Variants in LAMP1 observed in about 807,000 individuals in gnomAD.
The protein encoded by LAMP1 is lysosome-associated membrane glycoprotein 1.
A neutral mutation model predicts 37.5 loss-of-function variants in LAMP1; 7 were observed. That is an observed-to-expected ratio of 0.19 (90% CI 0.11 to 0.35). The LOEUF (loss-of-function observed/expected upper bound fraction) is 0.35. Ranked by LOEUF, LAMP1 falls within the 10% of genes least tolerant of loss-of-function variation. LAMP1 has a pLI of 1.00. For synonymous variants in LAMP1, 236 were observed against 229.1 expected (o/e 1.03, Z -0.27); for missense variants, 537 against 552.8 (o/e 0.97, Z 0.29).
intron 1 of LAMP1, among the ~76,000 whole-genome samples, chr13:113,301,240 C>T (rs1405910076): frequency 6.6e-6 from 1 of 151,880 alleles, no homozygotes; most frequent in Non-Finnish European, 1.5e-5. Context: ...TGCCTGTCAT[C>T]TCAGTGCTTT....
At chr13:113,317,693 C>G (rs2042673905) in intron 4 of LAMP1, among the ~76,000 whole-genome samples, 2 of 145,728 alleles carry the variant, frequency 1.4e-5, no homozygotes, top group Non-Finnish European at 3.0e-5. Context: ...AACCGTGAAG[C>G]TGCTTTTTTT....
chr13:113,303,316 A>G (rs999689789), intron 1 of LAMP1, among the ~76,000 whole-genome samples: 5 of 152,126 alleles, frequency 3.3e-5, no homozygotes, highest in Admixed American at 6.5e-5. Flanking sequence ...ATTTCTCCCA[A>G]GTGGGGGTAT....
intron 1 of LAMP1, 156 bp from the exon 2 acceptor site, chr13:113,306,329 C>T: frequency 1.3e-6 from 1 of 764,234 alleles, no homozygotes; most frequent in Non-Finnish European, 2.0e-6. Flanking sequence ...TGCACCCCAG[C>T]CTGGCGACAG....
At position 113,303,865 on chromosome 13, in the gene LAMP1, G is replaced by A. The variant is rs1211830648; in HGVS notation, c.62-2620G>A. Among the ~76,000 whole-genome samples, 9 of 152,182 alleles carry A rather than the reference G, an allele frequency of 5.9e-5. No homozygotes were observed. In the East Asian group the frequency reaches 1.4e-3, roughly 23 times the overall value. Reference sequence around the variant, plus strand: ...CTGAGGCAGGTGGATCACTTGAGGCGAGGAGTTGGAGACCAGCCTGGCCAA... The same window carrying A: ...CTGAGGCAGGTGGATCACTTGAGGCAAGGAGTTGGAGACCAGCCTGGCCAA... On this transcript the variant is annotated intron_variant, in intron 1 of 8. Coordinates refer to ENST00000332556, the MANE Select transcript of LAMP1 (RefSeq NM_005561.4).
intron 1 of LAMP1, among the ~76,000 whole-genome samples, chr13:113,298,534 A>G (rs1281200830): frequency 6.6e-6 from 1 of 152,130 alleles, no homozygotes; most frequent in African/African-American, 2.4e-5. Flanking sequence ...TCCTGTACAC[A>G]TCTGCCTTGA....
intron 4 of LAMP1, among the ~76,000 whole-genome samples, chr13:113,312,388 T>G (rs1437495833): frequency 6.6e-6 from 1 of 152,258 alleles, no homozygotes; most frequent in Non-Finnish European, 1.5e-5. Flanking sequence ...TATCTGTGGC[T>G]GCTTTTGTAT....
In LAMP1 at chr13:113,320,047, T is replaced by G. The variant is rs555152098; in HGVS notation, c.751-298T>G. ...CCCTAGTAGTGACAGGCTGTGGGGT[T>G]GTGGGGGTCGACTTGCGTGCCGTGG... On this transcript the variant is annotated intron_variant, in intron 5 of 8. Transcript: ENST00000332556. The surrounding 1 kb of genome is among the most constrained non-coding windows in gnomAD (Gnocchi z 4.4). 5.4e-4 allele frequency among the ~76,000 whole-genome samples: 82 copies of G among 152,306 alleles called. No homozygotes were observed. The highest frequency in any genetic ancestry group is 1.8e-3 in the African/African-American group (75 of 41,576).
intron 4 of LAMP1, among the ~76,000 whole-genome samples, chr13:113,314,942 T>C (rs1371926767): frequency 8.9e-5 from 10 of 111,892 alleles, no homozygotes; most frequent in South Asian, 6.7e-4. Context: ...CATGGCCTCC[T>C]GGAGGGAACC....
chr13:113,321,610 G>A lies in LAMP1; in HGVS notation c.997G>A (p.Gly333Ser), dbSNP rs1334325833. ...GSLRALQATV[G>S]NSYKCNAEEH... ...CCTGCGAGCGCTGCAGGCCACAGTC[G>A]GCAATTCCTACAAGTGCAACGCGGA... Residue 333 changes from glycine (G) to serine (S), a missense_variant, in exon 8 of 9, where the codon GGC (glycine) becomes AGC (serine). Coordinates refer to ENST00000332556, the MANE Select transcript of LAMP1 (RefSeq NM_005561.4). This position sits in a 1 kb window ranked among gnomAD's most constrained non-coding sequence, Gnocchi z 5.6. 4 of 1,614,030 alleles carry A rather than the reference G, an allele frequency of 2.5e-6. No homozygotes were observed. The highest frequency in any genetic ancestry group is 2.2e-5 in the South Asian group (2 of 91,090).
Position 113,320,202 on chromosome 13 carries a change from A to G in LAMP1, c.751-143A>G. 1 of 944,194 alleles carries G rather than the reference A, an allele frequency of 1.1e-6. No homozygotes were observed. The highest frequency in any genetic ancestry group is 1.6e-6 in the Non-Finnish European group (1 of 606,254). 58.5% of individuals were successfully genotyped at this position (944,194 alleles called of 1,614,324 possible). A position where few individuals can be genotyped will look rare whatever the true frequency, so the allele number is the denominator to read the frequency against. On this transcript the variant is annotated intron_variant, in intron 5 of 8. Transcript: ENST00000332556. This position sits in a 1 kb window ranked among gnomAD's most constrained non-coding sequence, Gnocchi z 4.4. ...GTCATCTTGGGATCCCGAAATCTGTACTAGTGTGGTCTTTCAGTGTTTTCC... is the reference window on the plus strand; with the variant it reads ...GTCATCTTGGGATCCCGAAATCTGTGCTAGTGTGGTCTTTCAGTGTTTTCC...
rs1447487203 is a variant in LAMP1 at position 113,306,862 on chromosome 13, C to T, written c.183+256C>T. ...TTTTTTTTTTTTTTTTTTTTTGAGA[C>T]GGAGTCTCGCTCTGTCACCCAGGCT... is the stretch of plus-strand genomic sequence containing the variant. On this transcript the variant is annotated intron_variant, in intron 2 of 8. Coordinates refer to ENST00000332556, the MANE Select transcript of LAMP1 (RefSeq NM_005561.4). 2.4e-3 allele frequency among the ~76,000 whole-genome samples: 12 copies of T among 5,070 alleles called. No individual in the cohort carries two copies. The Non-Finnish European group carries it at 0.036, about 15-fold the overall frequency. The allele number at this position is 5,070 out of a possible 152,430, so 3.3% of individuals were successfully genotyped here. A position where few individuals can be genotyped will look rare whatever the true frequency, so the allele number is the denominator to read the frequency against.
At chr13:113,303,079 G>A (rs1210762759) in intron 1 of LAMP1, among the ~76,000 whole-genome samples, 1 of 152,214 alleles carries the variant, frequency 6.6e-6, no homozygotes, top group Non-Finnish European at 1.5e-5. Context: ...AATAACAGCT[G>A]ACATCAAAGC....
At chr13:113,310,956 G>T (rs1194739399) in intron 4 of LAMP1, 89 bp downstream of exon 4, 2 of 1,132,334 alleles carry the variant, frequency 1.8e-6, no homozygotes, top group Non-Finnish European at 2.6e-6. Flanking sequence ...CTGTGTCCTG[G>T]TGCTGGGCTC....
In LAMP1 at chr13:113,310,800, C is replaced by T. The variant is rs778066534; in HGVS notation, c.495C>T (p.Asn165=). 2.4e-5 allele frequency: 39 copies of T among 1,613,588 alleles called. No individual in the cohort carries two copies. The highest frequency in any genetic ancestry group is 1.3e-4 in the Admixed American group (8 of 59,942). Residue 165 remains asparagine (N), a synonymous_variant, in exon 4 of 9, where the codon AAC becomes AAT. Coordinates refer to ENST00000332556, the MANE Select transcript of LAMP1 (RefSeq NM_005561.4). ...CVSGTQVHMN[N]VTVTLHDATI... is the part of the protein sequence containing the mutation. The stretch of plus-strand genomic sequence containing the variant: ...GTGGCACCCAGGTCCACATGAACAA[C>T]GTGACCGTAACGCTCCATGATGCCA...
chr13:113,300,773 G>A (rs1351343334), intron 1 of LAMP1, among the ~76,000 whole-genome samples: 4 of 152,138 alleles, frequency 2.6e-5, no homozygotes, highest in East Asian at 3.9e-4. Context: ...AGCCGAGATC[G>A]TGCCACTGCT....
At chr13:113,299,979 C>T (rs2042562187) in intron 1 of LAMP1, among the ~76,000 whole-genome samples, 1 of 152,156 alleles carries the variant, frequency 6.6e-6, no homozygotes, top group Non-Finnish European at 1.5e-5. Flanking sequence ...AGAAACTGCT[C>T]AATTACAAAT....
rs1280604262 is a variant in LAMP1 at position 113,321,832 on chromosome 13, TC to T, written c.1114+107del. ...GTGTGGGCTGGGGCGACGCCCCTGTTCCTCTGCAAGGAGCTGTTTCTTCTTG... is the reference window on the plus strand; with the variant it reads ...GTGTGGGCTGGGGCGACGCCCCTGTTCTCTGCAAGGAGCTGTTTCTTCTTG... On this transcript the variant is annotated intron_variant, in intron 8 of 8. Transcript: ENST00000332556. This position sits in a 1 kb window ranked among gnomAD's most constrained non-coding sequence, Gnocchi z 5.6. 2.6e-6 allele frequency: 3 copies of T among 1,143,884 alleles called. No individual in the cohort carries two copies. Among genetic ancestry groups the T allele is most frequent in the African/African-American group, 3.1e-5 (2 of 65,054 alleles). 70.9% of individuals were successfully genotyped at this position (1,143,884 alleles called of 1,614,324 possible).
chr13:113,309,543 A>ATT (rs1332013814), intron 2 of LAMP1, 100 bp from the exon 3 acceptor site: 1 of 879,674 alleles, frequency 1.1e-6, no homozygotes, highest in Non-Finnish European at 1.8e-6. Context: ...TTAGTTGGAA[A>ATT]TGAAGTATAA....
chr13:113,311,506 G>T (rs1370407550), intron 4 of LAMP1, among the ~76,000 whole-genome samples: 1 of 152,190 alleles, frequency 6.6e-6, no homozygotes, highest in African/African-American at 2.4e-5. Context: ...TGCAGTTTGA[G>T]CCAGTTGCCT....
Sources: gnomAD v4.1 joint callset for allele counts (sites outside exome capture counted in the v4.1 genomes callset) on GRCh38, gnomAD v4.1.1 for gene constraint, Gnocchi (gnomAD v3.1) non-coding constraint, MANE v1.5 for transcripts, NCBI Gene and HGNC (gene_info 2026-07-23, HGNC 2026-07-21) for gene names.